Variants in TAS2R1 observed in about 807,000 individuals in gnomAD.
TAS2R1 encodes taste 2 receptor member 1.
For missense variants in TAS2R1, 370 were observed against 353.4 expected (o/e 1.05, Z -0.38); for synonymous variants, 141 against 134.2 (o/e 1.05, Z -0.35).
chr5:9,892,779 G>A, the TAS2R1 span, among the ~76,000 whole-genome samples: 1 of 152,146 alleles, frequency 6.6e-6, no homozygotes, highest in Non-Finnish European at 1.5e-5. Flanking sequence ...AGAAGAAGCA[G>A]GCTATGAGTC....
chr5:9,660,809 G>A (rs1297928614), intron 1 of TAS2R1, among the ~76,000 whole-genome samples: 1 of 152,196 alleles, frequency 6.6e-6, no homozygotes, highest in African/African-American at 2.4e-5. Flanking sequence ...GTATCACAGA[G>A]ACAGCAGCAT....
chr5:9,686,571 AAAC>A (rs1347822819), intron 1 of TAS2R1, among the ~76,000 whole-genome samples: 1 of 152,210 alleles, frequency 6.6e-6, no homozygotes, highest in Admixed American at 6.5e-5. Context: ...ATCAAAGGAA[AAAC>A]AACAAAAAAA....
At chr5:9,682,860 C>T (rs868411130) in intron 1 of TAS2R1, among the ~76,000 whole-genome samples, 13 of 152,082 alleles carry the variant, frequency 8.5e-5, no homozygotes, top group African/African-American at 3.1e-4. Flanking sequence ...TTTTATTTAC[C>T]GCTGCCAGTG....
At chr5:9,699,218 T>C (rs1323837501) in intron 1 of TAS2R1, among the ~76,000 whole-genome samples, 1 of 152,198 alleles carries the variant, frequency 6.6e-6, no homozygotes, top group East Asian at 1.9e-4. Flanking sequence ...GATTAGAATA[T>C]CTATTTCATG....
chr5:9,722,633 C>T, the TAS2R1 span, among the ~76,000 whole-genome samples: 2 of 152,174 alleles, frequency 1.3e-5, no homozygotes, highest in Admixed American at 6.5e-5. Context: ...ATTCTTTTTA[C>T]TTGTATTCAG....
the TAS2R1 span, among the ~76,000 whole-genome samples, chr5:9,853,384 C>T: frequency 6.6e-6 from 1 of 152,224 alleles, no homozygotes; most frequent in Admixed American, 6.5e-5. Flanking sequence ...TAATTACATG[C>T]CAATTAAGGG....
At chr5:9,811,986 T>TC in the TAS2R1 span, among the ~76,000 whole-genome samples, 2 of 151,746 alleles carry the variant, frequency 1.3e-5, no homozygotes, top group Non-Finnish European at 2.9e-5. Flanking sequence ...CCAAACTTCC[T>TC]CCCCCCGCAT....
intron 1 of TAS2R1, among the ~76,000 whole-genome samples, chr5:9,666,690 G>A (rs528765643): frequency 1.6e-4 from 24 of 152,064 alleles, no homozygotes; most frequent in African/African-American, 5.5e-4. Flanking sequence ...AGATAATAGG[G>A]AAATGAAAGA....
chr5:9,693,219 G>A (rs1741283822), intron 1 of TAS2R1, among the ~76,000 whole-genome samples: 1 of 152,036 alleles, frequency 6.6e-6, no homozygotes, highest in Admixed American at 6.6e-5. Context: ...TTAAAAATTT[G>A]GTCTCTTGGC....
chr5:9,858,788 C>G, the TAS2R1 span, among the ~76,000 whole-genome samples: 1 of 152,130 alleles, frequency 6.6e-6, no homozygotes, highest in Non-Finnish European at 1.5e-5. Context: ...CCTTAAACAA[C>G]AGCTTGTATA....
At chr5:9,661,496 C>T (rs1050053545) in intron 1 of TAS2R1, among the ~76,000 whole-genome samples, 1 of 152,168 alleles carries the variant, frequency 6.6e-6, no homozygotes, top group African/African-American at 2.4e-5. Context: ...TGGAATGCCT[C>T]AGGATGAAGG....
intron 1 of TAS2R1, among the ~76,000 whole-genome samples, chr5:9,662,159 C>T (rs1740550913): frequency 6.6e-6 from 1 of 152,136 alleles, no homozygotes. Flanking sequence ...CAAATCCAGC[C>T]TAATTCCAAA....
the TAS2R1 span, among the ~76,000 whole-genome samples, chr5:9,854,745 A>T: frequency 6.6e-6 from 1 of 152,202 alleles, no homozygotes; most frequent in African/African-American, 2.4e-5. Flanking sequence ...GGAAGGTTAA[A>T]TAAATCGTGA....
the TAS2R1 span, among the ~76,000 whole-genome samples, chr5:9,720,898 G>A: frequency 6.6e-6 from 1 of 152,206 alleles, no homozygotes; most frequent in African/African-American, 2.4e-5. Flanking sequence ...GGGCTGCTGT[G>A]CCCATTTCTC....
the TAS2R1 span, among the ~76,000 whole-genome samples, chr5:9,750,045 G>C: frequency 2.0e-5 from 3 of 152,190 alleles, no homozygotes; most frequent in Non-Finnish European, 2.9e-5. Context: ...GCATAAATGA[G>C]CTATCTTGTC....
At chr5:9,818,561 G>C in the TAS2R1 span, among the ~76,000 whole-genome samples, 1 of 152,198 alleles carries the variant, frequency 6.6e-6, no homozygotes, top group African/African-American at 2.4e-5. Context: ...TGTGGGCCAG[G>C]GTGATGGGTG....
At chr5:9,711,331 C>T (rs1734656029) in intron 1 of TAS2R1, among the ~76,000 whole-genome samples, 2 of 152,082 alleles carry the variant, frequency 1.3e-5, no homozygotes, top group Admixed American at 1.3e-4. Flanking sequence ...TATTATTCAG[C>T]CTTACAAAGA....
At chr5:9,808,446 A>G in the TAS2R1 span, among the ~76,000 whole-genome samples, 5 of 152,182 alleles carry the variant, frequency 3.3e-5, no homozygotes, top group Admixed American at 3.3e-4. Context: ...TTAAAGAAGG[A>G]ATTGTTGAGT....
the TAS2R1 span, among the ~76,000 whole-genome samples, chr5:9,858,477 C>T: frequency 1.5e-4 from 23 of 152,288 alleles, no homozygotes; most frequent in Admixed American, 5.9e-4. Flanking sequence ...CCCAGTGCTA[C>T]TCATAACATC....
Sources: allele counts gnomAD v4.1 joint callset (sites outside exome capture counted in the v4.1 genomes callset), GRCh38; gene constraint gnomAD v4.1.1; transcripts MANE v1.5; gene names NCBI Gene and HGNC (gene_info 2026-07-23, HGNC 2026-07-21).